ACAD8: variants seen among roughly 807,000 people sequenced by gnomAD.
ACAD8 encodes the protein acyl-CoA dehydrogenase family member 8, also known as isobutyryl-CoA dehydrogenase, mitochondrial.
A neutral mutation model predicts 53.1 loss-of-function variants in ACAD8; 47 were observed. The observed-to-expected ratio is 0.89, with a 90% CI of 0.70 to 1.13. The LOEUF is 1.13. ACAD8 is among the 50% of genes most tolerant of loss of function. ACAD8 has a pLI of 0.00. For synonymous variants in ACAD8, 198 were observed against 201.3 expected (o/e 0.98, Z 0.14); for missense variants, 494 against 535.0 (o/e 0.92, Z 0.76).
chr11:134,263,472 A>G (rs1300216325), intron 10 of ACAD8: 6 of 984,262 alleles, frequency 6.1e-6, no homozygotes, highest in Non-Finnish European at 7.2e-6. Context: ...CAAGTCTTCA[A>G]GTGAGGCTGC....
chr11:134,257,805 C>G (rs1296324292), intron 3 of ACAD8: 1 of 180,708 alleles, frequency 5.5e-6, no homozygotes, highest in East Asian at 1.4e-4. Context: ...GAGCTGGTAC[C>G]AGGAGACTTC....
At chr11:134,264,789 A>G (rs1442707799) in intron 10 of ACAD8, 119 bp from the exon 11 acceptor site, 1 of 867,758 alleles carries the variant, frequency 1.2e-6, no homozygotes, top group Non-Finnish European at 2.0e-6. Context: ...GCTAAAAGCA[A>G]TGATTGTAGT....
chr11:134,258,039 A>G (rs1007642047), intron 3 of ACAD8: 31 of 221,732 alleles, frequency 1.4e-4, no homozygotes, highest in African/African-American at 7.2e-4. Context: ...TTTAGTAGAG[A>G]TGGGGTTTCA....
chr11:134,261,448 G>A lies in ACAD8; in HGVS notation c.939+76G>A. 6.4e-7 allele frequency: 1 copy of A among 1,568,092 alleles called. No individual in the cohort carries two copies. Among genetic ancestry groups the A allele is most frequent in the South Asian group, 1.1e-5 (1 of 89,574 alleles). The stretch of plus-strand genomic sequence containing the variant: ...CCTGCTCTAGGGCCCACATTTCCAG[G>A]AGAGAAGCCAGGAAATTCCTCTGTC... On this transcript the variant is annotated intron_variant, in intron 8 of 10. Transcript: ENST00000281182. The surrounding 1 kb of genome is among the most constrained non-coding windows in gnomAD (Gnocchi z 4.2).
chr11:134,257,311 A>G, intron 3 of ACAD8, 54 bp downstream of exon 3: 2 of 1,599,280 alleles, frequency 1.3e-6, no homozygotes, highest in South Asian at 2.2e-5. Context: ...GCTGACTGTG[A>G]GAGTTCAGAT....
intron 6 of ACAD8, chr11:134,260,010 GC>G: frequency 3.1e-6 from 4 of 1,300,262 alleles, no homozygotes; most frequent in Non-Finnish European, 4.0e-6. Flanking sequence ...TCTGCTTTTG[GC>G]CTGTGTTCCT....
chr11:134,260,876 AG>A, intron 6 of ACAD8, 167 bp from the exon 7 acceptor site: 1 of 699,004 alleles, frequency 1.4e-6, no homozygotes, highest in Non-Finnish European at 2.5e-6. Context: ...TATCTTTCTG[AG>A]TGCTGACAGG....
In ACAD8 at chr11:134,261,789, C is replaced by T. The variant is rs777695882; in HGVS notation, c.991C>T (p.Leu331=). The change falls in exon 9 of 11, where the codon CTG becomes TTG. Residue 331 remains leucine (L), a synonymous_variant. Transcript: ENST00000281182. The surrounding 1 kb of genome is among the most constrained non-coding windows in gnomAD (Gnocchi z 4.2). ...DMATRLVAAR[L]MVRNAAVALQ... ...GGCAACAAGGCTGGTGGCCGCGCGG[C>T]TGATGGTCCGCAATGCAGCAGTGGC... 6 of 1,614,156 alleles carry T rather than the reference C, an allele frequency of 3.7e-6. No individual in the cohort carries two copies. The South Asian group carries it at 6.6e-5, about 18-fold the overall frequency.
intron 3 of ACAD8, 75 bp downstream of exon 3, chr11:134,257,332 A>G (rs1939597868): frequency 6.4e-7 from 1 of 1,569,702 alleles, no homozygotes; most frequent in African/African-American, 1.3e-5. Context: ...TCGTAGGAAA[A>G]AGATTGATCT....
intron 9 of ACAD8, 177 bp downstream of exon 9, chr11:134,262,067 G>A (rs932894712): frequency 2.8e-5 from 21 of 761,540 alleles, no homozygotes; most frequent in Non-Finnish European, 4.5e-5. Context: ...CTCATCGCTG[G>A]CTTTTAGGCC....
At chr11:134,258,973 CA>C (rs1312911646) in intron 4 of ACAD8, 34 bp from the exon 5 acceptor site, 2 of 1,576,400 alleles carry the variant, frequency 1.3e-6, no homozygotes, top group Non-Finnish European at 1.7e-6. Flanking sequence ...CTGACTTTCT[CA>C]CCTTCTCTCT....
At position 134,261,682 on chromosome 11, in the gene ACAD8, C is replaced by A. The variant is rs1591515125; in HGVS notation, c.940-56C>A. On this transcript the variant is annotated intron_variant, in intron 8 of 10. Transcript: ENST00000281182. This position sits in a 1 kb window ranked among gnomAD's most constrained non-coding sequence, Gnocchi z 4.2. ...AGATGTCTTACCGAGGCTCCTGCACCAGGTGCTGGTCTAAGCCCCTCAGTC... is the reference window on the plus strand; with the variant it reads ...AGATGTCTTACCGAGGCTCCTGCACAAGGTGCTGGTCTAAGCCCCTCAGTC... 1 of 1,609,174 alleles carries A rather than the reference C, an allele frequency of 6.2e-7. No individual in the cohort carries two copies. The highest frequency in any genetic ancestry group is 1.7e-4 in the Middle Eastern group (1 of 6,058).
chr11:134,263,829 A>G (rs1940042058), intron 10 of ACAD8: 5 of 985,402 alleles, frequency 5.1e-6, no homozygotes, highest in Non-Finnish European at 6.0e-6. Context: ...TTGTTTCATC[A>G]TGGACTTTAC....
At chr11:134,263,447 A>G in intron 10 of ACAD8, 3 of 983,626 alleles carry the variant, frequency 3.0e-6, no homozygotes, top group Non-Finnish European at 3.6e-6. Flanking sequence ...TGGGCCTGGG[A>G]ATTTGTATCT....
intron 4 of ACAD8, 30 bp from the exon 5 acceptor site, chr11:134,258,975 CCTT>C: frequency 6.3e-7 from 1 of 1,584,700 alleles, no homozygotes; most frequent in Non-Finnish European, 8.7e-7. Context: ...GACTTTCTCA[CCTT>C]CTCTCTGCTG....
chr11:134,260,925 G>A (rs1939831353), intron 6 of ACAD8, 119 bp from the exon 7 acceptor site: 2 of 1,200,996 alleles, frequency 1.7e-6, no homozygotes, highest in Non-Finnish European at 1.2e-6. Flanking sequence ...CTCATTTTAA[G>A]TTCTTGTGGG....
rs895526348 is a variant in ACAD8 at position 134,253,679 on chromosome 11, G to A, written c.79G>A (p.Gly27Ser). ...PGGLRVLVQT[G>S]HRSLTSCIDP... The stretch of plus-strand genomic sequence containing the variant: ...CGGTCTCCGGGTCCTCGTCCAGACC[G>A]GCCACCGGAGCTTGACCTCCTGCAT... Residue 27 changes from glycine (G) to serine (S), a missense_variant, in exon 1 of 11, where the codon GGC becomes AGC. Gly to Ser is a moderately conservative substitution (Grantham distance 56). Transcript: ENST00000281182. 1.2e-5 allele frequency: 19 copies of A among 1,599,868 alleles called. No homozygotes were observed. Among genetic ancestry groups the A allele is most frequent in the Non-Finnish European group, 1.5e-5 (18 of 1,174,332 alleles).
intron 1 of ACAD8, 55 bp from the exon 2 acceptor site, chr11:134,256,493 C>A (rs1345979308): frequency 6.9e-7 from 1 of 1,439,750 alleles, no homozygotes; most frequent in Non-Finnish European, 9.8e-7. Flanking sequence ...GTTGGCAACA[C>A]CTTGTTGGCA....
chr11:134,262,211 A>G, intron 9 of ACAD8: 1 of 648,162 alleles, frequency 1.5e-6, no homozygotes, highest in South Asian at 1.5e-5. Flanking sequence ...CTGCATTGCC[A>G]CTAGGGGGAA....
Sources: allele counts gnomAD v4.1 joint callset, GRCh38; gene constraint gnomAD v4.1.1; non-coding constraint Gnocchi (gnomAD v3.1); transcripts MANE v1.5; gene names NCBI Gene and HGNC (gene_info 2026-07-23, HGNC 2026-07-21).